RAD51B: variants seen among roughly 807,000 people sequenced by gnomAD.
The protein encoded by RAD51B is DNA repair protein RAD51 homolog 2.
A neutral mutation model predicts 42.2 loss-of-function variants in RAD51B; 38 were observed. That is an observed-to-expected ratio of 0.90 (90% CI 0.70 to 1.18). RAD51B has a LOEUF of 1.18. Among genes scored for constraint, RAD51B ranks in the 50% most tolerant of loss-of-function variants. RAD51B has a pLI of 0.00. For missense variants in RAD51B, 373 were observed against 400.7 expected, an observed-to-expected ratio of 0.93 and a Z score of 0.59; for synonymous variants, 154 against 145.2, an observed-to-expected ratio of 1.06 and a Z score of -0.43.
chr14:68,564,736 C>T (rs1472288599), intron 10 of RAD51B, among the ~76,000 whole-genome samples: 3 of 152,170 alleles, frequency 2.0e-5, no homozygotes, highest in African/African-American at 7.2e-5. Flanking sequence ...ATAATCAGGT[C>T]GGGTTGAGCT....
chr14:68,572,441 G>A (rs1370475589), intron 10 of RAD51B, among the ~76,000 whole-genome samples: 1 of 152,216 alleles, frequency 6.6e-6, no homozygotes, highest in Non-Finnish European at 1.5e-5. Context: ...AATAAGATGT[G>A]GGCATTGCTC....
Position 68,174,882 on chromosome 14 carries a change from T to C in RAD51B, c.757-117002T>C, listed in dbSNP as rs1427116386. Among the ~76,000 whole-genome samples the C allele has an allele frequency of 2.0e-5, 3 of 152,220 alleles. No individual in the cohort carries two copies. The East Asian group carries it at 5.8e-4, about 29-fold the overall frequency. On this transcript the variant is annotated intron_variant, in intron 7 of 10. Transcript: ENST00000471583. ...ATTACATAAGAAAATTTAATTCTAT[T>C]AATGGTGAGCTCAGTGGCACAATCC...
chr14:68,651,173 TTA>T (rs1465937765), intron 11 of RAD51B, among the ~76,000 whole-genome samples: 21 of 152,268 alleles, frequency 1.4e-4, no homozygotes, highest in African/African-American at 4.6e-4. Flanking sequence ...CATGTGATGT[TTA>T]TTTTATTTTA....
intron 7 of RAD51B, among the ~76,000 whole-genome samples, chr14:67,991,059 A>G (rs1324615667): frequency 1.3e-5 from 2 of 152,208 alleles, no homozygotes; most frequent in Non-Finnish European, 2.9e-5. Context: ...TTGCTTTAAA[A>G]AAACATGGGG....
intron 10 of RAD51B, among the ~76,000 whole-genome samples, chr14:68,625,325 T>C (rs1374728335): frequency 6.6e-6 from 1 of 152,198 alleles, no homozygotes; most frequent in Non-Finnish European, 1.5e-5. Flanking sequence ...TGAACTTTTC[T>C]GCATACGCTG....
chr14:68,245,884 G>A (rs987607179), intron 7 of RAD51B, among the ~76,000 whole-genome samples: 6 of 152,154 alleles, frequency 3.9e-5, no homozygotes, highest in Admixed American at 6.5e-5. Flanking sequence ...GTCAGGAGCC[G>A]GGGAAGGTAG....
In RAD51B at chr14:67,835,065, C is replaced by T; in HGVS notation, c.199-15C>T. 2 of 1,575,660 alleles carry T rather than the reference C, an allele frequency of 1.3e-6. No homozygotes were observed. Among genetic ancestry groups the T allele is most frequent in the East Asian group, 2.2e-5 (1 of 44,630 alleles). ...TATAGAGGTTGAAAAAAAACTTAAT[C>T]ATTTTCTTGTTTAGGCTTATGGGAT... On this transcript the variant is annotated splice_polypyrimidine_tract_variant and intron_variant, in intron 3 of 10. Coordinates refer to ENST00000471583, the MANE Select transcript of RAD51B (RefSeq NM_133510.4).
chr14:67,841,379 AT>A (rs1340386402), intron 4 of RAD51B, among the ~76,000 whole-genome samples: 1 of 152,084 alleles, frequency 6.6e-6, no homozygotes, highest in Non-Finnish European at 1.5e-5. Context: ...TAGGGCGTCC[AT>A]TTATTCTGTT....
At position 68,395,792 on chromosome 14, in the gene RAD51B, G is replaced by T. The variant is rs142968782; in HGVS notation, c.854-15632G>T. ...TGGACATCAAGGGGTGTTTGCCCCAGGACTGACCAGTGACTAAGTGTGTGA... is the reference window on the plus strand; with the variant it reads ...TGGACATCAAGGGGTGTTTGCCCCATGACTGACCAGTGACTAAGTGTGTGA... On this transcript the variant is annotated intron_variant, in intron 8 of 10. Coordinates refer to ENST00000471583, the MANE Select transcript of RAD51B (RefSeq NM_133510.4). 3.5e-3 allele frequency among the ~76,000 whole-genome samples: 536 copies of T among 152,284 alleles called. 3 individuals carry two copies. Among genetic ancestry groups the T allele is most frequent in the African/African-American group, 0.012 (501 of 41,546 alleles).
chr14:68,479,537 T>C (rs1566907058), downstream of RAD51B, among the ~76,000 whole-genome samples: 1 of 152,166 alleles, frequency 6.6e-6, no homozygotes, highest in Non-Finnish European at 1.5e-5. Context: ...TTTCCCCCAG[T>C]TTATTCCCAT....
At chr14:68,362,945 A>T (rs1272206378) in intron 8 of RAD51B, among the ~76,000 whole-genome samples, 1 of 152,184 alleles carries the variant, frequency 6.6e-6, no homozygotes, top group Non-Finnish European at 1.5e-5. Context: ...GTGAAAGGCA[A>T]ATGCCTCTGG....
At position 68,594,517 on chromosome 14, in the gene RAD51B, C is replaced by A. The variant is rs771885348; in HGVS notation, c.1069C>A (p.Leu357Met). The A allele has an allele frequency of 2.9e-6, 4 of 1,360,132 alleles. No homozygotes were observed. The South Asian group carries it at 4.6e-5, about 16-fold the overall frequency. 84.3% of individuals were successfully genotyped at this position (1,360,132 alleles called of 1,614,324 possible). The change falls in exon 11 of 11, where the codon CTG becomes ATG. Residue 357 changes from leucine (L) to methionine (M), a missense_variant. Transcript: ENST00000487270. ...ATTTTGCTCTGTCACCCAAGCTGAA[C>A]TGAACTGGGCTCCAGAAATCCTCCC...
chr14:68,082,011 A>T (rs1305484789), intron 7 of RAD51B, among the ~76,000 whole-genome samples: 1 of 151,318 alleles, frequency 6.6e-6, no homozygotes, highest in Non-Finnish European at 1.5e-5. Flanking sequence ...CCCAGGCTGG[A>T]GTGCAGTGGT....
intron 7 of RAD51B, among the ~76,000 whole-genome samples, chr14:68,088,013 T>C (rs1248847481): frequency 1.5e-5 from 2 of 132,800 alleles, no homozygotes; most frequent in South Asian, 2.2e-4. Context: ...AATTATATAA[T>C]ATATTATTAT....
intron 7 of RAD51B, among the ~76,000 whole-genome samples, chr14:68,015,557 C>A (rs927568820): frequency 6.6e-6 from 1 of 152,158 alleles, no homozygotes; most frequent in East Asian, 1.9e-4. Context: ...GAGAAGAGGG[C>A]GCGTACAGAA....
chr14:68,086,927 G>C (rs1405589327), intron 7 of RAD51B, among the ~76,000 whole-genome samples: 1 of 152,090 alleles, frequency 6.6e-6, no homozygotes, highest in Non-Finnish European at 1.5e-5. Flanking sequence ...CCTGAGGTCA[G>C]GAGTTCGAGA....
intron 9 of RAD51B, among the ~76,000 whole-genome samples, chr14:68,462,911 C>T (rs1387276133): frequency 6.6e-6 from 1 of 152,200 alleles, no homozygotes; most frequent in Admixed American, 6.5e-5. Context: ...CTCATTCTTG[C>T]TCAGTTACAT....
chr14:68,230,217 A>G (rs998612914), intron 7 of RAD51B, among the ~76,000 whole-genome samples: 1 of 152,214 alleles, frequency 6.6e-6, no homozygotes, highest in Non-Finnish European at 1.5e-5. Context: ...ATTGCAAGCA[A>G]TATAAATTAC....
chr14:68,170,400 G>A (rs1157780754), intron 7 of RAD51B, among the ~76,000 whole-genome samples: 1 of 152,178 alleles, frequency 6.6e-6, no homozygotes, highest in Non-Finnish European at 1.5e-5. Context: ...GAGAATGAAA[G>A]ATTGGGCAGG....
Sources: allele counts gnomAD v4.1 joint callset (sites outside exome capture counted in the v4.1 genomes callset), GRCh38; gene constraint gnomAD v4.1.1; transcripts MANE v1.5; gene names NCBI Gene and HGNC (gene_info 2026-07-23, HGNC 2026-07-21).